GALNT10: variants seen among roughly 807,000 people sequenced by gnomAD.
The protein encoded by GALNT10 is polypeptide N-acetylgalactosaminyltransferase 10, also known as GalNAc transferase 10.
Under a neutral mutation model 75.0 loss-of-function variants are expected in GALNT10, and 41 were observed. The observed-to-expected ratio is 0.55, with a 90% CI of 0.43 to 0.71. The LOEUF (loss-of-function observed/expected upper bound fraction) is 0.71. Ranked by LOEUF, GALNT10 falls within the 30% of genes least tolerant of loss-of-function variation. GALNT10 has a pLI of 0.00. For missense variants in GALNT10, 727 were observed against 818.5 expected (o/e 0.89, Z 1.36); for synonymous variants, 302 against 313.0 (o/e 0.96, Z 0.37).
At chr5:154,191,440 C>A (rs962817523) in intron 1 of GALNT10, among the ~76,000 whole-genome samples, 1 of 9,306 alleles carries the variant, frequency 1.1e-4, no homozygotes, top group Non-Finnish European at 2.1e-4. Flanking sequence ...CTCCCACCCC[C>A]CCCCCCCCAC....
At chr5:154,410,290 C>A (rs575122618) in intron 9 of GALNT10, among the ~76,000 whole-genome samples, 1 of 150,006 alleles carries the variant, frequency 6.7e-6, no homozygotes, top group East Asian at 2.0e-4. Context: ...AATCCTAGCA[C>A]TTTGGGAGGC....
chr5:154,342,989 G>C lies in GALNT10; in HGVS notation c.568+13251G>C, dbSNP rs540913720. ...TTTTCAGGATTTTTTCAGTTGCCAC[G>C]TGTGTTTTATGTGACAAGATCTCAG... On this transcript the variant is annotated intron_variant, in intron 4 of 11. Transcript: ENST00000297107. Among the ~76,000 whole-genome samples, 138 of 152,242 alleles carry C rather than the reference G, an allele frequency of 9.1e-4. 2 individuals are homozygous for C. Among genetic ancestry groups the C allele is most frequent in the Non-Finnish European group, 3.7e-4 (25 of 68,018 alleles).
At chr5:154,366,919 G>A (rs537497341) in intron 4 of GALNT10, among the ~76,000 whole-genome samples, 3 of 152,300 alleles carry the variant, frequency 2.0e-5, no homozygotes, top group South Asian at 2.1e-4. Context: ...GTCAGGGGCC[G>A]TGGCAGAGGA....
chr5:154,252,822 C>A (rs1170319359), intron 1 of GALNT10, among the ~76,000 whole-genome samples: 1 of 151,754 alleles, frequency 6.6e-6, no homozygotes. Context: ...TATTCAGGGG[C>A]TCATCTTATC....
intron 1 of GALNT10, among the ~76,000 whole-genome samples, chr5:154,258,700 C>G (rs1753652757): frequency 1.3e-5 from 2 of 152,172 alleles, no homozygotes; most frequent in Admixed American, 6.5e-5. Flanking sequence ...ATTTCCTGCT[C>G]TTTGGACTTT....
At chr5:154,333,606 A>C (rs1402157032) in intron 4 of GALNT10, among the ~76,000 whole-genome samples, 2 of 152,168 alleles carry the variant, frequency 1.3e-5, no homozygotes, top group African/African-American at 4.8e-5. Flanking sequence ...GAAAAGGTAC[A>C]CTTCATAACA....
At chr5:154,244,627 G>A (rs1753391787) in intron 1 of GALNT10, among the ~76,000 whole-genome samples, 2 of 152,112 alleles carry the variant, frequency 1.3e-5, no homozygotes, top group South Asian at 4.1e-4. Flanking sequence ...TGCCCAGGAT[G>A]GAGTGATAAT....
At chr5:154,325,286 C>T (rs1230729048) in intron 3 of GALNT10, among the ~76,000 whole-genome samples, 1 of 152,012 alleles carries the variant, frequency 6.6e-6, no homozygotes, top group East Asian at 1.9e-4. Context: ...TAATCATACT[C>T]TTAGCCATAA....
intron 1 of GALNT10, among the ~76,000 whole-genome samples, chr5:154,291,893 C>A (rs1188307238): frequency 6.6e-6 from 1 of 152,236 alleles, no homozygotes; most frequent in Non-Finnish European, 1.5e-5. Context: ...CTGTGGCAAA[C>A]TGGGGAGACG....
intron 3 of GALNT10, among the ~76,000 whole-genome samples, chr5:154,316,731 G>A (rs575908175): frequency 2.6e-5 from 4 of 152,246 alleles, no homozygotes; most frequent in Non-Finnish European, 5.9e-5. Flanking sequence ...TCAGTATTAC[G>A]TTTCTTGAAT....
At chr5:154,398,423 T>A (rs1477381716) in intron 7 of GALNT10, among the ~76,000 whole-genome samples, 1 of 152,202 alleles carries the variant, frequency 6.6e-6, no homozygotes, top group Non-Finnish European at 1.5e-5. Flanking sequence ...CTTCTCTTTG[T>A]CCCCAGCTGG....
At position 154,416,079 on chromosome 5, in the gene GALNT10, T is replaced by A; in HGVS notation, c.1653+147T>A. The A allele has an allele frequency of 1.4e-6, 1 of 710,400 alleles. No homozygotes were observed. The allele number at this position is 710,400 out of a possible 1,614,324, so 44.0% of individuals were successfully genotyped here. A position where few individuals can be genotyped will look rare whatever the true frequency, so the allele number is the denominator to read the frequency against. ...GCCGGATTTTGTAGTCATTCAAGAG[T>A]AGTCAGAAATCTAGACTTCACTGTG... On this transcript the variant is annotated intron_variant, in intron 11 of 11. Transcript: ENST00000297107. This position sits in a 1 kb window ranked among gnomAD's most constrained non-coding sequence, Gnocchi z 4.5.
chr5:154,353,766 C>A (rs971960531), intron 4 of GALNT10, among the ~76,000 whole-genome samples: 2 of 152,208 alleles, frequency 1.3e-5, no homozygotes, highest in Non-Finnish European at 2.9e-5. Flanking sequence ...CCTGGCAAAT[C>A]CTGTTCATCC....
At chr5:154,330,778 G>A (rs1754844571) in intron 4 of GALNT10, among the ~76,000 whole-genome samples, 1 of 152,160 alleles carries the variant, frequency 6.6e-6, no homozygotes, top group Non-Finnish European at 1.5e-5. Context: ...GTGAAGAGAG[G>A]GAGTATGCGT....
chr5:154,226,849 C>T (rs1303742811), intron 1 of GALNT10, among the ~76,000 whole-genome samples: 1 of 152,074 alleles, frequency 6.6e-6, no homozygotes, highest in Non-Finnish European at 1.5e-5. Context: ...GTCCCTCCTG[C>T]ACCTCCTCTA....
chr5:154,246,602 G>A (rs1753428818), intron 1 of GALNT10, among the ~76,000 whole-genome samples: 1 of 152,206 alleles, frequency 6.6e-6, no homozygotes, highest in Non-Finnish European at 1.5e-5. Context: ...CTGTATAAAT[G>A]TCTTCTTTTG....
chr5:154,349,291 C>T (rs1755172038), intron 4 of GALNT10: 1 of 152,056 alleles, frequency 6.6e-6, no homozygotes, highest in Non-Finnish European at 1.5e-5. Context: ...CCTCTGTCCT[C>T]CCTGCTGAGC....
intron 1 of GALNT10, among the ~76,000 whole-genome samples, chr5:154,209,289 G>A (rs1241586144): frequency 6.6e-6 from 1 of 152,220 alleles, no homozygotes; most frequent in Non-Finnish European, 1.5e-5. Context: ...TCCTTCTGCA[G>A]TGTCTCTCCA....
At chr5:154,413,665 C>T (rs1212753513) in intron 10 of GALNT10, among the ~76,000 whole-genome samples, 1 of 152,168 alleles carries the variant, frequency 6.6e-6, no homozygotes, top group African/African-American at 2.4e-5. Flanking sequence ...GCCTGCAATC[C>T]CAACAGTGTG....
Sources: gnomAD v4.1 joint callset for allele counts (sites outside exome capture counted in the v4.1 genomes callset) on GRCh38, gnomAD v4.1.1 for gene constraint, Gnocchi (gnomAD v3.1) non-coding constraint, MANE v1.5 for transcripts, NCBI Gene and HGNC (gene_info 2026-07-23, HGNC 2026-07-21) for gene names.